WDPCP: variants seen among roughly 807,000 people sequenced by gnomAD.
WDPCP encodes WD repeat-containing and planar cell polarity effector protein fritz homolog.
A neutral mutation model predicts 93.1 loss-of-function variants in WDPCP; 71 were observed. The ratio of observed to expected loss-of-function variants is 0.76; its 90% CI spans 0.63 to 0.93. The LOEUF (loss-of-function observed/expected upper bound fraction) is 0.93, where lower values mean the gene tolerates loss of function less well. WDPCP is among the 40% of genes least tolerant of loss of function. The pLI, the probability that WDPCP is intolerant of heterozygous loss-of-function variation, is 0.00. For synonymous variants in WDPCP, 315 were observed against 315.0 expected, an observed-to-expected ratio of 1.00 and a Z score of 0.00; for missense variants, 844 against 887.4, an observed-to-expected ratio of 0.95 and a Z score of 0.62.
At chr2:63,830,873 T>G (rs1671181926), upstream of WDPCP, among the ~76,000 whole-genome samples, 1 of 152,204 alleles carries the variant, frequency 6.6e-6, no homozygotes, top group South Asian at 2.1e-4. Context: ...TTTAAAAAAC[T>G]ATATGTTGAC....
chr2:63,172,091 G>A (rs1673436211), intron 15 of WDPCP, among the ~76,000 whole-genome samples: 2 of 152,178 alleles, frequency 1.3e-5, no homozygotes, highest in Non-Finnish European at 2.9e-5. Context: ...TGATGGAAAT[G>A]CTCTAAACCT....
chr2:63,739,990 G>T (rs1669691251), intron 2 of WDPCP, among the ~76,000 whole-genome samples: 1 of 151,770 alleles, frequency 6.6e-6, no homozygotes, highest in Non-Finnish European at 1.5e-5. Flanking sequence ...TGAACATTAT[G>T]TTCATTAACA....
rs180747666 is a variant in WDPCP at position 63,602,600 on chromosome 2, C to T, written n.488+48059G>A. Among the ~76,000 whole-genome samples the T allele has an allele frequency of 3.9e-5, 6 of 152,142 alleles. No individual in the cohort carries two copies. In the South Asian group the frequency reaches 8.3e-4, roughly 21 times the overall value. ...TGAATGATTCTATGACATTTAATTACAAGTGTAGATTCCTGTAACTGCCCC... is the reference window on the plus strand; with the variant it reads ...TGAATGATTCTATGACATTTAATTATAAGTGTAGATTCCTGTAACTGCCCC... On this transcript the variant is annotated intron_variant and non_coding_transcript_variant, in intron 3 of 4. Coordinates refer to the WDPCP transcript ENST00000467687.
intron 2 of WDPCP, among the ~76,000 whole-genome samples, chr2:63,753,785 G>A (rs1399888484): frequency 2.6e-5 from 4 of 152,090 alleles, no homozygotes; most frequent in East Asian, 3.9e-4. Context: ...ATTACAATTC[G>A]ACATGAGATT....
intron 1 of WDPCP, among the ~76,000 whole-genome samples, chr2:63,499,744 C>G (rs1486029665): frequency 6.6e-6 from 1 of 152,172 alleles, no homozygotes. Context: ...GAGTGACCAT[C>G]AATGGATGGG....
chr2:63,297,310 T>C (rs898018099), intron 13 of WDPCP, among the ~76,000 whole-genome samples: 24 of 152,166 alleles, frequency 1.6e-4, no homozygotes, highest in African/African-American at 5.3e-4. Context: ...ATGTCCTCCG[T>C]AAATATGGAA....
chr2:63,622,387 C>A (rs1709751838), intron 3 of WDPCP: 18 of 1,612,796 alleles, frequency 1.1e-5, no homozygotes, highest in Non-Finnish European at 1.4e-5. Context: ...TTGAACTGGG[C>A]AAGACCAAAT....
At chr2:63,668,148 G>A (rs958508664) in intron 2 of WDPCP, among the ~76,000 whole-genome samples, 1 of 152,182 alleles carries the variant, frequency 6.6e-6, no homozygotes, top group Admixed American at 6.5e-5. Context: ...AGGACACAAA[G>A]TGAGATGTCA....
intron 1 of WDPCP, among the ~76,000 whole-genome samples, chr2:63,558,365 T>TA (rs1575645258): frequency 6.6e-6 from 1 of 151,576 alleles, no homozygotes; most frequent in African/African-American, 2.4e-5. Context: ...CCGTCTCTAC[T>TA]AAAAATACAA....
intron 9 of WDPCP, among the ~76,000 whole-genome samples, chr2:63,414,601 T>C (rs1695274376): frequency 6.6e-6 from 1 of 152,122 alleles, no homozygotes; most frequent in South Asian, 2.1e-4. Context: ...TTGGAGACTA[T>C]TATTCTAAGT....
intron 10 of WDPCP, among the ~76,000 whole-genome samples, chr2:63,396,758 A>C (rs563717832): frequency 2.8e-4 from 43 of 152,178 alleles, no homozygotes; most frequent in Non-Finnish European, 5.1e-4. Context: ...TTATTTAATC[A>C]CCCAGGTATT....
At chr2:63,512,339 C>T (rs1169579653) in intron 1 of WDPCP, among the ~76,000 whole-genome samples, 3 of 152,138 alleles carry the variant, frequency 2.0e-5, no homozygotes, top group Non-Finnish European at 4.4e-5. Flanking sequence ...GTGGCGATTC[C>T]TCAAGGATCT....
At chr2:63,134,027 G>A (rs1282916125) in intron 17 of WDPCP, among the ~76,000 whole-genome samples, 1 of 152,154 alleles carries the variant, frequency 6.6e-6, no homozygotes, top group Non-Finnish European at 1.5e-5. Flanking sequence ...AGGGTCTGAA[G>A]CTTCTTAGTC....
At chr2:63,574,053 C>T (rs1031883692) in intron 1 of WDPCP, among the ~76,000 whole-genome samples, 6 of 152,042 alleles carry the variant, frequency 3.9e-5, no homozygotes, top group Non-Finnish European at 5.9e-5. Flanking sequence ...AATGTGTGCC[C>T]GAAACTTCAT....
chr2:63,649,654 T>C (rs1710087705), intron 3 of WDPCP, among the ~76,000 whole-genome samples: 1 of 152,256 alleles, frequency 6.6e-6, no homozygotes, highest in Non-Finnish European at 1.5e-5. Context: ...CTAATATTTG[T>C]CCTTCTTAAA....
intron 13 of WDPCP, among the ~76,000 whole-genome samples, chr2:63,310,284 T>C (rs531573354): frequency 1.2e-4 from 18 of 152,260 alleles, no homozygotes; most frequent in Non-Finnish European, 1.8e-4. Flanking sequence ...CTGAGAGAGC[T>C]TGGAGTTGAA....
chr2:63,822,847 T>G (rs1671043210), intron 1 of WDPCP, among the ~76,000 whole-genome samples: 1 of 151,484 alleles, frequency 6.6e-6, no homozygotes, highest in African/African-American at 2.4e-5. Context: ...TGAGACCTTG[T>G]CTCTAAATAT....
chr2:63,474,023 A>G (rs932030868), intron 6 of WDPCP, among the ~76,000 whole-genome samples: 1 of 152,086 alleles, frequency 6.6e-6, no homozygotes, highest in Non-Finnish European at 1.5e-5. Flanking sequence ...CATAATAGCT[A>G]TCTCTAAGGG....
chr2:63,758,224 T>C (rs922791090), intron 2 of WDPCP, among the ~76,000 whole-genome samples: 9 of 152,116 alleles, frequency 5.9e-5, no homozygotes, highest in Non-Finnish European at 1.0e-4. Context: ...GAAAGAGTTC[T>C]CATAAAGAAG....
Sources: gnomAD v4.1 joint callset for allele counts (sites outside exome capture counted in the v4.1 genomes callset) on GRCh38, gnomAD v4.1.1 for gene constraint, MANE v1.5 for transcripts, NCBI Gene and HGNC (gene_info 2026-07-23, HGNC 2026-07-21) for gene names.